NRXN1: variants seen among roughly 807,000 people sequenced by gnomAD.
The protein encoded by NRXN1 is neurexin 1.
A neutral mutation model predicts 150.9 loss-of-function variants in NRXN1; 39 were observed. The observed-to-expected ratio is 0.26, with a 90% confidence interval of 0.20 to 0.34. The LOEUF (loss-of-function observed/expected upper bound fraction) is 0.34. Among genes scored for constraint, NRXN1 ranks in the 10% least tolerant of loss-of-function variants. The pLI, the probability that NRXN1 is intolerant of heterozygous loss-of-function variation, is 1.00. For synonymous variants in NRXN1, 924 were observed against 757.0 expected (o/e 1.22, Z -3.62); for missense variants, 1,815 against 1,949.9 (o/e 0.93, Z 1.30).
intron 8 of NRXN1, among the ~76,000 whole-genome samples, chr2:50,613,437 A>G (rs961638427): frequency 2.6e-5 from 4 of 152,224 alleles, no homozygotes; most frequent in African/African-American, 9.6e-5. Flanking sequence ...TGACACAACA[A>G]AATGACATAC....
intron 2 of NRXN1, among the ~76,000 whole-genome samples, chr2:50,973,294 C>A (rs1478145372): frequency 2.0e-5 from 3 of 152,110 alleles, no homozygotes; most frequent in Admixed American, 2.0e-4. Flanking sequence ...AAACACTGGT[C>A]ACAGAAAATG....
intron 5 of NRXN1, among the ~76,000 whole-genome samples, chr2:50,815,880 G>C (rs1159158318): frequency 1.3e-5 from 2 of 152,086 alleles, no homozygotes; most frequent in Non-Finnish European, 1.5e-5. Flanking sequence ...TAATGCATAA[G>C]TGTATCCTGA....
chr2:50,768,943 C>A (rs916321096), intron 5 of NRXN1, among the ~76,000 whole-genome samples: 12 of 151,818 alleles, frequency 7.9e-5, no homozygotes, highest in Admixed American at 2.0e-4. Flanking sequence ...CACATACACA[C>A]ACACACTCTG....
At chr2:50,048,130 T>C (rs990925312) in intron 21 of NRXN1, among the ~76,000 whole-genome samples, 1 of 152,190 alleles carries the variant, frequency 6.6e-6, no homozygotes, top group Admixed American at 6.6e-5. Context: ...TCTGAATAAC[T>C]GTTGCTTACA....
chr2:50,706,809 G>A (rs1053115949), intron 5 of NRXN1, among the ~76,000 whole-genome samples: 7 of 149,190 alleles, frequency 4.7e-5, no homozygotes, highest in African/African-American at 1.7e-4. Flanking sequence ...GACATATTTG[G>A]ATTTTTTTTT....
chr2:49,949,203 C>G (rs918998768), intron 21 of NRXN1, among the ~76,000 whole-genome samples: 1 of 151,674 alleles, frequency 6.6e-6, no homozygotes, highest in Non-Finnish European at 1.5e-5. Context: ...GATTTAATAC[C>G]CAGGGATATT....
intron 5 of NRXN1, among the ~76,000 whole-genome samples, chr2:50,809,751 C>G (rs1667966138): frequency 6.6e-6 from 1 of 152,104 alleles, no homozygotes; most frequent in Non-Finnish European, 1.5e-5. Context: ...AGAACCAGAT[C>G]AAGGTCACTG....
intron 17 of NRXN1, among the ~76,000 whole-genome samples, chr2:50,442,513 G>C (rs1397025968): frequency 6.6e-6 from 1 of 152,088 alleles, no homozygotes; most frequent in Non-Finnish European, 1.5e-5. Flanking sequence ...GAAGGAGGGA[G>C]AAATGTGGAG....
intron 17 of NRXN1, among the ~76,000 whole-genome samples, chr2:50,384,247 C>T (rs1334567970): frequency 6.6e-6 from 1 of 152,104 alleles, no homozygotes; most frequent in Admixed American, 6.6e-5. Flanking sequence ...TGGCTCATGC[C>T]TGTAATCCCA....
At chr2:50,165,350 T>A (rs984009850) in intron 18 of NRXN1, among the ~76,000 whole-genome samples, 2 of 152,106 alleles carry the variant, frequency 1.3e-5, no homozygotes, top group Admixed American at 6.5e-5. Context: ...TCAGCACTAT[T>A]TTTTTTTCTT....
intron 21 of NRXN1, among the ~76,000 whole-genome samples, chr2:50,041,848 A>C (rs1691021689): frequency 6.6e-6 from 1 of 152,168 alleles, no homozygotes; most frequent in Non-Finnish European, 1.5e-5. Flanking sequence ...TATAACCCAA[A>C]ATGATGAGAC....
At chr2:51,017,170 G>A (rs925784566) in intron 2 of NRXN1, among the ~76,000 whole-genome samples, 2 of 151,910 alleles carry the variant, frequency 1.3e-5, no homozygotes, top group Non-Finnish European at 2.9e-5. Context: ...GGATTGATAG[G>A]TGCAGCAAAC....
At chr2:50,963,983 T>C (rs1436190536) in intron 2 of NRXN1, 3 of 442,052 alleles carry the variant, frequency 6.8e-6, no homozygotes, top group East Asian at 1.4e-4. Flanking sequence ...TCATTGTCCT[T>C]CTCTTTATGA....
At chr2:50,951,574 A>G (rs1343046724) in intron 2 of NRXN1, among the ~76,000 whole-genome samples, 1 of 152,084 alleles carries the variant, frequency 6.6e-6, no homozygotes, top group African/African-American at 2.4e-5. Context: ...TTGGTTTGGA[A>G]ATTTACCAAG....
At chr2:50,506,730 G>A (rs1688639774) in intron 12 of NRXN1, 113 bp from the exon 13 acceptor site, 4 of 1,006,652 alleles carry the variant, frequency 4.0e-6, no homozygotes, top group Non-Finnish European at 5.7e-6. Context: ...AGAGAGGAGA[G>A]AAAGAAGAAA....
chr2:50,288,070 T>C (rs1292763630), intron 17 of NRXN1, among the ~76,000 whole-genome samples: 1 of 152,106 alleles, frequency 6.6e-6, no homozygotes, highest in Non-Finnish European at 1.5e-5. Flanking sequence ...CTTTATCCAG[T>C]GGAAAAAAAA....
chr2:50,136,330 T>G (rs1706407622), intron 18 of NRXN1, among the ~76,000 whole-genome samples: 1 of 152,164 alleles, frequency 6.6e-6, no homozygotes, highest in Admixed American at 6.5e-5. Flanking sequence ...AAGGAACAAG[T>G]TCATTTAAAT....
intron 18 of NRXN1, among the ~76,000 whole-genome samples, chr2:50,220,561 C>T (rs1475478028): frequency 6.6e-6 from 1 of 152,064 alleles, no homozygotes; most frequent in South Asian, 2.1e-4. Context: ...AAGGCAGAAC[C>T]GAAATCCCTG....
chr2:50,381,317 G>A (rs1387202848), intron 17 of NRXN1, among the ~76,000 whole-genome samples: 2 of 151,908 alleles, frequency 1.3e-5, no homozygotes, highest in South Asian at 2.1e-4. Flanking sequence ...TCTTCTGGGT[G>A]GTTTCATCTT....
Sources: allele counts gnomAD v4.1 joint callset (sites outside exome capture counted in the v4.1 genomes callset), GRCh38; gene constraint gnomAD v4.1.1; transcripts MANE v1.5; gene names NCBI Gene and HGNC (gene_info 2026-07-23, HGNC 2026-07-21).